ARF3: variants seen among roughly 807,000 people sequenced by gnomAD.
ARF3 encodes the protein ARF GTPase 3, also known as ADP-ribosylation factor 3.
ARF3 carries 5 observed loss-of-function variants against 19.3 expected under a neutral mutation model. The observed-to-expected ratio is 0.26, with a 90% CI of 0.14 to 0.54. ARF3 has a LOEUF of 0.54. Among genes scored for constraint, ARF3 ranks in the 20% least tolerant of loss-of-function variants. The pLI, the probability that ARF3 is intolerant of heterozygous loss-of-function variation, is 0.95. For synonymous variants in ARF3, 71 were observed against 89.2 expected (o/e 0.80, Z 1.15); for missense variants, 77 against 234.2 (o/e 0.33, Z 4.38).
At position 48,938,989 on chromosome 12, in the gene ARF3, T is replaced by A; in HGVS notation, c.504A>T (p.Glu168Asp). 2 of 1,612,970 alleles carry A rather than the reference T, an allele frequency of 1.2e-6. No homozygotes were observed. The highest frequency in any genetic ancestry group is 1.7e-6 in the Non-Finnish European group (2 of 1,180,010). The change falls in exon 5 of 5, where the codon GAA (glutamate) becomes GAT (aspartate). Residue 168 changes from glutamate (E) to aspartate (D), a missense_variant. Physicochemically the swap from Glu to Asp is conservative, Grantham distance 45. Around this residue, in one of 3 missense-constraint regions of ARF3, gnomAD observed 53 missense variants for 121.2 expected, o/e 0.44. Transcript: ENST00000256682. ...GCTGATTGGCCAGCCAGTCCAGGCCTTCGTACAGCCCGTCCCCGCTGGTGG... is the reference window on the plus strand; with the variant it reads ...GCTGATTGGCCAGCCAGTCCAGGCCATCGTACAGCCCGTCCCCGCTGGTGG... Reference protein sequence around the residue: ...TCATSGDGLYEGLDWLANQLK... With the variant: ...TCATSGDGLYDGLDWLANQLK...
intron 1 of ARF3, among the ~76,000 whole-genome samples, chr12:48,951,067 G>A (rs1212449736): frequency 2.0e-5 from 3 of 152,196 alleles, no homozygotes; most frequent in Middle Eastern, 3.4e-3. Flanking sequence ...GATTACAGGC[G>A]TGAGCCACTG....
chr12:48,956,546 A>C (rs1313689662), intron 1 of ARF3: 2 of 152,168 alleles, frequency 1.3e-5, no homozygotes, highest in African/African-American at 2.4e-5. Context: ...CTAAAGAAAG[A>C]AAGCGGATTG....
Position 48,938,720 on chromosome 12 carries a change from C to T in ARF3, c.*227G>A, listed in dbSNP as rs1940198874. 1.7e-6 allele frequency: 1 copy of T among 590,618 alleles called. No homozygotes were observed. The highest frequency in any genetic ancestry group is 3.0e-6 in the Non-Finnish European group (1 of 335,784). The allele number at this position is 590,618 out of a possible 1,614,324, so 36.6% of individuals were successfully genotyped here. A position where few individuals can be genotyped will look rare whatever the true frequency, so the allele number is the denominator to read the frequency against. ...ACCGTAACAACTTTTTGTTTTAAAT[C>T]CAGTAAATTGGAATGACTCATCATC... On this transcript the variant is annotated 3_prime_UTR_variant, in exon 5 of 5. Transcript: ENST00000256682.
chr12:48,942,470 T>C (rs990834754), intron 1 of ARF3, among the ~76,000 whole-genome samples: 12 of 151,758 alleles, frequency 7.9e-5, no homozygotes, highest in African/African-American at 2.9e-4. Flanking sequence ...CTTCAGTTAG[T>C]TGTCTGTTTC....
At position 48,939,858 on chromosome 12, in the gene ARF3, A is replaced by C; in HGVS notation, c.260-79T>G. On this transcript the variant is annotated intron_variant, in intron 3 of 4. Coordinates refer to ENST00000256682, the MANE Select transcript of ARF3 (RefSeq NM_001659.3). This position sits in a 1 kb window ranked among gnomAD's most constrained non-coding sequence, Gnocchi z 4.8. ...AACCAAAAGACCACACCTGCCTGAC[A>C]CCCTCCAAATATTTGCTCCCTTTCC... 1.2e-6 allele frequency: 2 copies of C among 1,604,484 alleles called. No individual in the cohort carries two copies. Among genetic ancestry groups the C allele is most frequent in the Non-Finnish European group, 1.7e-6 (2 of 1,172,970 alleles).
chr12:48,951,811 G>A (rs1366649762), intron 1 of ARF3, among the ~76,000 whole-genome samples: 1 of 151,800 alleles, frequency 6.6e-6, no homozygotes, highest in South Asian at 2.1e-4. Flanking sequence ...CCTGCGAGGT[G>A]GAGGCTGCTG....
chr12:48,956,868 G>A (rs753608419), intron 1 of ARF3: 6 of 151,928 alleles, frequency 3.9e-5, no homozygotes, highest in African/African-American at 1.5e-4. Flanking sequence ...ACCACAGCAA[G>A]GCTTCTCTCC....
intron 1 of ARF3, among the ~76,000 whole-genome samples, chr12:48,941,742 A>C (rs755590908): frequency 6.6e-6 from 1 of 152,166 alleles, no homozygotes; most frequent in Non-Finnish European, 1.5e-5. Flanking sequence ...CTTCCACACC[A>C]AAATAAAGGA....
At chr12:48,942,712 C>T (rs1259207405) in intron 1 of ARF3, among the ~76,000 whole-genome samples, 2 of 152,222 alleles carry the variant, frequency 1.3e-5, no homozygotes, top group African/African-American at 4.8e-5. Flanking sequence ...GCCTAGCACA[C>T]AGTACTTCAA....
At chr12:48,954,176 A>C (rs567023816) in intron 1 of ARF3, among the ~76,000 whole-genome samples, 123 of 152,274 alleles carry the variant, frequency 8.1e-4, no homozygotes, top group Non-Finnish European at 1.5e-3. Flanking sequence ...TTCACCCTAC[A>C]TCCAAATTGA....
chr12:48,955,859 G>T (rs1940556054), intron 1 of ARF3: 1 of 152,200 alleles, frequency 6.6e-6, no homozygotes, highest in African/African-American at 2.4e-5. Context: ...TGATACATGG[G>T]AGCCTTTCCT....
rs1220997264 is a variant in ARF3 at position 48,938,867 on chromosome 12, G to A, written c.*80C>T. On this transcript the variant is annotated 3_prime_UTR_variant, in exon 5 of 5. Transcript: ENST00000256682. ...AGGGCCCTGGCCACACTTGCATGGA[G>A]AGGAAGGGGTAGGACTGGGGCAGGG... 1.0e-5 allele frequency: 16 copies of A among 1,541,966 alleles called. No individual in the cohort carries two copies. The East Asian group carries it at 3.0e-4, about 28-fold the overall frequency.
chr12:48,942,332 T>A (rs1479349467), intron 1 of ARF3, among the ~76,000 whole-genome samples: 1 of 151,832 alleles, frequency 6.6e-6, no homozygotes, highest in Non-Finnish European at 1.5e-5. Flanking sequence ...CCTCCTGCCT[T>A]AGCCTCCCAG....
intron 1 of ARF3, among the ~76,000 whole-genome samples, chr12:48,942,341 A>G (rs2137580535): frequency 6.6e-6 from 1 of 150,514 alleles, no homozygotes. Context: ...TTAGCCTCCC[A>G]GGGCACTGGG....
At chr12:48,944,699 G>T (rs1316633854) in intron 1 of ARF3, among the ~76,000 whole-genome samples, 1 of 152,188 alleles carries the variant, frequency 6.6e-6, no homozygotes. Flanking sequence ...AATGCACAGC[G>T]AGTTGCTTAG....
chr12:48,952,080 C>G (rs1940482780), intron 1 of ARF3, among the ~76,000 whole-genome samples: 1 of 152,098 alleles, frequency 6.6e-6, no homozygotes, highest in Non-Finnish European at 1.5e-5. Flanking sequence ...CTAAAACGTA[C>G]CTAACTAAAT....
chr12:48,941,741 C>G (rs1324560101), intron 1 of ARF3, among the ~76,000 whole-genome samples: 1 of 152,140 alleles, frequency 6.6e-6, no homozygotes, highest in Non-Finnish European at 1.5e-5. Context: ...TCTTCCACAC[C>G]AAAATAAAGG....
intron 1 of ARF3, among the ~76,000 whole-genome samples, chr12:48,948,081 T>A (rs936077576): frequency 6.7e-5 from 10 of 149,662 alleles, no homozygotes; most frequent in Admixed American, 6.6e-4. Flanking sequence ...GGTGCACGCC[T>A]GTAGTCCCAA....
At chr12:48,945,406 T>C (rs1281663791) in intron 1 of ARF3, among the ~76,000 whole-genome samples, 2 of 152,118 alleles carry the variant, frequency 1.3e-5, no homozygotes, top group African/African-American at 4.8e-5. Context: ...AGTGAAACCC[T>C]GTCTCTGCTA....
Sources: gnomAD v4.1 joint callset for allele counts (sites outside exome capture counted in the v4.1 genomes callset) on GRCh38, gnomAD v4.1.1 for gene constraint, gnomAD v4.1.1 regional missense constraint, Gnocchi (gnomAD v3.1) non-coding constraint, MANE v1.5 for transcripts, NCBI Gene and HGNC (gene_info 2026-07-23, HGNC 2026-07-21) for gene names.